Variants in MACROD2 observed in about 807,000 individuals in gnomAD.
MACROD2 encodes ADP-ribose glycohydrolase MACROD2.
In MACROD2, 36 loss-of-function variants were observed where a neutral mutation model predicts 70.4. The observed-to-expected ratio is 0.51, with a 90% CI of 0.39 to 0.68. The LOEUF (loss-of-function observed/expected upper bound fraction) is 0.68, where lower values mean the gene tolerates loss of function less well. Ranked by LOEUF, MACROD2 falls within the 30% of genes least tolerant of loss-of-function variation. MACROD2 has a pLI of 0.00. For synonymous variants in MACROD2, 172 were observed against 178.8 expected (o/e 0.96, Z 0.30); for missense variants, 496 against 538.4 (o/e 0.92, Z 0.78).
intron 5 of MACROD2, among the ~76,000 whole-genome samples, chr20:14,849,254 C>T (rs776192947): frequency 6.6e-6 from 1 of 152,178 alleles, no homozygotes; most frequent in African/African-American, 2.4e-5. Context: ...TGTTTCTTCC[C>T]AGCTAATCAT....
At chr20:15,631,922 G>A (rs1228712324) in intron 8 of MACROD2, among the ~76,000 whole-genome samples, 2 of 152,176 alleles carry the variant, frequency 1.3e-5, no homozygotes, top group Non-Finnish European at 2.9e-5. Flanking sequence ...TGGATTGCCT[G>A]AAGTCAGGAG....
At chr20:15,004,431 GT>G (rs1304659062) in intron 5 of MACROD2, among the ~76,000 whole-genome samples, 3 of 152,154 alleles carry the variant, frequency 2.0e-5, no homozygotes, top group African/African-American at 7.2e-5. Context: ...TTAACCAATA[GT>G]TTTAACACCC....
intron 5 of MACROD2, among the ~76,000 whole-genome samples, chr20:14,928,058 G>GA (rs1199474904): frequency 1.3e-5 from 2 of 152,210 alleles, no homozygotes; most frequent in Non-Finnish European, 2.9e-5. Flanking sequence ...GCGTGCAAAA[G>GA]AAAAACTGGA....
At chr20:15,948,398 A>AAAAAAAAG in intron 12 of MACROD2, among the ~76,000 whole-genome samples, 1 of 149,236 alleles carries the variant, frequency 6.7e-6, no homozygotes, top group African/African-American at 2.5e-5. Context: ...AAAAAAAAAA[A>AAAAAAAAG]AAAAAAAAAA....
chr20:14,500,406 T>C (rs1568641514), intron 4 of MACROD2, among the ~76,000 whole-genome samples: 1 of 152,250 alleles, frequency 6.6e-6, no homozygotes, highest in African/African-American at 2.4e-5. Context: ...CTAGGGACCA[T>C]CTCTACAGCT....
chr20:14,475,279 G>A (rs2084578470), intron 3 of MACROD2, among the ~76,000 whole-genome samples: 1 of 151,994 alleles, frequency 6.6e-6, no homozygotes, highest in African/African-American at 2.4e-5. Flanking sequence ...ATATTTTGAA[G>A]TGTTGATGTC....
intron 10 of MACROD2, among the ~76,000 whole-genome samples, chr20:15,892,108 T>C (rs562658282): frequency 6.6e-6 from 1 of 152,116 alleles, no homozygotes; most frequent in Non-Finnish European, 1.5e-5. Flanking sequence ...AGGGAGTTCA[T>C]TCATGCAATC....
chr20:15,311,517 A>G (rs529293471), intron 6 of MACROD2, among the ~76,000 whole-genome samples: 1 of 152,330 alleles, frequency 6.6e-6, no homozygotes, highest in South Asian at 2.1e-4. Flanking sequence ...ACAAAAGTAA[A>G]GACATAAAAT....
At chr20:15,903,220 T>C (rs141162177) in intron 10 of MACROD2, among the ~76,000 whole-genome samples, 178 of 152,266 alleles carry the variant, frequency 1.2e-3, no homozygotes, top group African/African-American at 4.1e-3. Context: ...CGCACGCCTG[T>C]AATTCCGGCT....
intron 7 of MACROD2, among the ~76,000 whole-genome samples, chr20:15,439,003 A>T (rs2046461819): frequency 6.6e-6 from 1 of 152,208 alleles, no homozygotes; most frequent in South Asian, 2.1e-4. Flanking sequence ...GGAAGTTTGT[A>T]TTTGTAGGTA....
intron 4 of MACROD2, among the ~76,000 whole-genome samples, chr20:14,634,424 C>T (rs1041255634): frequency 6.6e-6 from 1 of 152,168 alleles, no homozygotes; most frequent in African/African-American, 2.4e-5. Context: ...GTTTTCACAT[C>T]GATTTGTATA....
At chr20:14,826,895 C>T (rs997260750) in intron 5 of MACROD2, among the ~76,000 whole-genome samples, 3 of 152,032 alleles carry the variant, frequency 2.0e-5, no homozygotes, top group African/African-American at 4.8e-5. Context: ...AGCCTAAATG[C>T]GGCATCATGC....
chr20:14,129,264 T>A (rs571386339), intron 3 of MACROD2, among the ~76,000 whole-genome samples: 1 of 152,218 alleles, frequency 6.6e-6, no homozygotes, highest in Non-Finnish European at 1.5e-5. Context: ...CTAACCCTTG[T>A]GGATGACTTC....
intron 5 of MACROD2, among the ~76,000 whole-genome samples, chr20:14,914,478 T>A: frequency 6.6e-6 from 1 of 152,158 alleles, no homozygotes; most frequent in East Asian, 1.9e-4. Context: ...AAGATCTATA[T>A]GAGAGCTTTG....
chr20:15,276,629 C>G (rs1417521011), intron 6 of MACROD2, among the ~76,000 whole-genome samples: 1 of 152,158 alleles, frequency 6.6e-6, no homozygotes, highest in African/African-American at 2.4e-5. Flanking sequence ...CGCAGTTTCA[C>G]TCTTCCTGGT....
At chr20:15,471,505 A>T (rs1156564329) in intron 7 of MACROD2, among the ~76,000 whole-genome samples, 2 of 152,134 alleles carry the variant, frequency 1.3e-5, no homozygotes, top group Non-Finnish European at 2.9e-5. Context: ...CTTACACAGA[A>T]CTCAAAAAAA....
intron 3 of MACROD2, among the ~76,000 whole-genome samples, chr20:14,146,432 C>T (rs576102499): frequency 2.6e-5 from 4 of 152,262 alleles, no homozygotes; most frequent in South Asian, 2.1e-4. Flanking sequence ...CTAGTTCTGC[C>T]CCTTCTCCAC....
At chr20:14,808,307 A>T (rs1488312758) in intron 5 of MACROD2, among the ~76,000 whole-genome samples, 2 of 152,136 alleles carry the variant, frequency 1.3e-5, no homozygotes, top group African/African-American at 4.8e-5. Context: ...ATAATTTTCA[A>T]CCCAGAATTT....
chr20:15,763,441 A>G (rs978411212), intron 8 of MACROD2, among the ~76,000 whole-genome samples: 3 of 152,240 alleles, frequency 2.0e-5, no homozygotes, highest in South Asian at 2.1e-4. Context: ...GTGTGCAAGT[A>G]TATATTCACC....
Sources: gnomAD v4.1 joint callset for allele counts (sites outside exome capture counted in the v4.1 genomes callset) on GRCh38, gnomAD v4.1.1 for gene constraint, MANE v1.5 for transcripts, NCBI Gene and HGNC (gene_info 2026-07-23, HGNC 2026-07-21) for gene names.